The following MED12 variants were observed in gnomAD, a reference collection of about 807,000 sequenced individuals.
MED12 encodes the protein mediator of RNA polymerase II transcription subunit 12.
A neutral mutation model predicts 177.7 loss-of-function variants in MED12; 10 were observed. That is an observed-to-expected ratio of 0.06 (90% confidence interval 0.03 to 0.10). MED12 has a LOEUF of 0.10. MED12 is among the 10% of genes least tolerant of loss of function. The pLI is 1.00. For missense variants in MED12, 867 were observed against 1,780.8 expected (o/e 0.49, Z 9.23); for synonymous variants, 641 against 678.4 (o/e 0.94, Z 0.86).
chrX:71,138,382 C>T (rs56791145), intron 41 of MED12, among the ~76,000 whole-genome samples: 4,204 of 109,981 alleles, frequency 0.038, 195 homozygotes, highest in African/African-American at 0.12. Flanking sequence ...GCTGGAGTGT[C>T]GTGGCATGAT....
chrX:71,128,215 G>C (rs11796518), intron 22 of MED12, 81 bp from the exon 23 acceptor site: 41 of 1,197,415 alleles, frequency 3.4e-5, no homozygotes, highest in Non-Finnish European at 4.4e-5. Context: ...TGATTATTTA[G>C]TGGGGCAGAG....
rs2092307509 is a variant in MED12, at chrX:71,127,941, A to G, written c.3030A>G (p.Pro1010=). The part of the protein sequence containing the change: ...VKNTIYCNVE[P]SESNMRWAPE... Reference sequence around the variant, plus strand: ...ACACCATCTACTGCAACGTGGAGCCATCGGAATCAAATATGCGCTGGGCAC... The same window carrying G: ...ACACCATCTACTGCAACGTGGAGCCGTCGGAATCAAATATGCGCTGGGCAC... Residue 1010 remains proline (P), a synonymous_variant, in exon 22 of 45, where the codon CCA becomes CCG. Transcript: ENST00000374080. 2 of 1,209,942 alleles carry G rather than the reference A, an allele frequency of 1.7e-6. No homozygotes were observed. The highest frequency in any genetic ancestry group is 1.8e-5 in the South Asian group (1 of 56,823).
At chrX:71,137,685 A>G in intron 40 of MED12, 41 bp from the exon 41 acceptor site, 1 of 1,204,065 alleles carries the variant, frequency 8.3e-7, no homozygotes, top group African/African-American at 1.7e-5. Flanking sequence ...GCTGCTCTGC[A>G]TACTCTCGGC....
chrX:71,128,103 G>T lies in MED12; in HGVS notation c.3192G>T (p.Gly1064=). Residue 1064 remains glycine, a synonymous_variant, in exon 22 of 45, where the codon GGG becomes GGT. Transcript: ENST00000374080. Reference sequence around the variant, plus strand: ...ATGCCCTTATGCACGTCTGTGTGGGGCACCATGATCCCGATAGGTATGGGG... The same window carrying T: ...ATGCCCTTATGCACGTCTGTGTGGGTCACCATGATCCCGATAGGTATGGGG... ...VCNALMHVCV[G]HHDPDRVNDI... is the part of the protein sequence containing the mutation. The T allele has an allele frequency of 8.3e-7, 1 of 1,210,152 alleles. No homozygotes were observed. Among genetic ancestry groups the T allele is most frequent in the Non-Finnish European group, 1.1e-6 (1 of 894,419 alleles).
At chrX:71,141,423 C>G in intron 43 of MED12, 53 bp downstream of exon 43, 1 of 1,159,399 alleles carries the variant, frequency 8.6e-7, no homozygotes. Context: ...AGGTTGGGCA[C>G]GCAGCCAGTG....
In MED12 at chrX:71,137,877, A is replaced by C. The variant is rs1369528141; in HGVS notation, c.5978A>C (p.Gln1993Pro). The C allele has an allele frequency of 1.7e-6, 2 of 1,209,726 alleles. No homozygotes were observed. Among genetic ancestry groups the C allele is most frequent in the African/African-American group, 3.5e-5 (2 of 57,080 alleles). Residue 1993 changes from glutamine to proline, a missense_variant, in exon 41 of 45, where the codon CAG becomes CCG. Gln to Pro is a moderately conservative substitution (Grantham distance 76, BLOSUM62 -1). Transcript: ENST00000374080. ...TLVDPTRHLQQRPSGYVHQQA... is the reference protein window; with the variant it reads ...TLVDPTRHLQPRPSGYVHQQA... ...GTAGATCCTACCCGCCACCTGCAACAGCGGCCCAGTGGCTATGTGCACCAG... is the reference window on the plus strand; with the variant it reads ...GTAGATCCTACCCGCCACCTGCAACCGCGGCCCAGTGGCTATGTGCACCAG...
intron 41 of MED12, among the ~76,000 whole-genome samples, chrX:71,138,565 C>G (rs1270556058): frequency 3.7e-5 from 4 of 109,168 alleles, no homozygotes; most frequent in African/African-American, 1.3e-4. Context: ...GCCACCACAC[C>G]TGGCCAAAAA....
In MED12 at chrX:71,121,549, C is replaced by T. The variant is rs374744294; in HGVS notation, c.847-13C>T. On this transcript the variant is annotated splice_polypyrimidine_tract_variant and intron_variant, in intron 6 of 44. Transcript: ENST00000374080. ...GGAGAGAACTAGGGGCTCTGATGGT[C>T]GTGTCTTCACAGTACTCTGGGGAAT... 13 of 1,209,304 alleles carry T rather than the reference C, an allele frequency of 1.1e-5. No individual in the cohort carries two copies. The African/African-American group carries it at 1.9e-4, about 18-fold the overall frequency.
intron 17 of MED12, 34 bp from the exon 18 acceptor site, chrX:71,126,002 T>C (rs759555109): frequency 1.1e-6 from 1 of 921,002 alleles, no homozygotes. Flanking sequence ...TTATCTTCCC[T>C]GTCTTGACTG....
intron 19 of MED12, 25 bp downstream of exon 19, chrX:71,126,509 T>C: frequency 8.3e-7 from 1 of 1,210,119 alleles, no homozygotes; most frequent in Non-Finnish European, 1.1e-6. Flanking sequence ...GAGATGAGGG[T>C]GGAGGCAGGA....
chrX:71,119,663 G>A (rs2147772963), intron 2 of MED12, 23 bp from the exon 3 acceptor site: 2 of 1,207,519 alleles, frequency 1.7e-6, no homozygotes, highest in East Asian at 5.9e-5. Context: ...TTCCCACCCT[G>A]AGGTACACTT....
At chrX:71,122,697 G>A (rs200311099) in intron 9 of MED12, 41 bp from the exon 10 acceptor site, 124 of 1,207,208 alleles carry the variant, frequency 1.0e-4, no homozygotes, top group Non-Finnish European at 1.3e-4. Flanking sequence ...AGAATGCACC[G>A]GGCCTCTGGT....
intron 17 of MED12, 127 bp from the exon 18 acceptor site, chrX:71,125,908 TC>T: frequency 1.8e-6 from 1 of 545,319 alleles, no homozygotes; most frequent in Admixed American, 2.5e-5. Flanking sequence ...CTTCCTTCCT[TC>T]CCTCCCTCCC....
intron 21 of MED12, 136 bp from the exon 22 acceptor site, chrX:71,127,757 C>T (rs1602298962): frequency 3.7e-6 from 2 of 547,094 alleles, no homozygotes; most frequent in Admixed American, 2.7e-5. Context: ...TCTGTTTTGT[C>T]CCATCTCCCT....
At chrX:71,124,445 C>A in intron 13 of MED12, 57 bp downstream of exon 13, 1 of 966,548 alleles carries the variant, frequency 1.0e-6, no homozygotes, top group South Asian at 2.1e-5. Flanking sequence ...ATCTTCATGG[C>A]TCCCAGGGGC....
rs1259026756 is a variant in MED12, at chrX:71,140,699, G to A, written c.6109G>A (p.Gly2037Ser). 4 of 1,209,367 alleles carry A rather than the reference G, an allele frequency of 3.3e-6. No individual in the cohort carries two copies. Among genetic ancestry groups the A allele is most frequent in the Non-Finnish European group, 4.5e-6 (4 of 894,932 alleles). Residue 2037 changes from glycine to serine, a missense_variant, in exon 42 of 45, where the codon GGC becomes AGC. Transcript: ENST00000374080. The part of the protein sequence containing the change: ...ISTMTPMSAQ[G>S]VQAGVRSTAI... ...TACCATGACTCCAATGAGTGCCCAG[G>A]GCGTCCAGGCAGGCGTCCGTTCAAC...
At position 71,140,740 on chromosome X, in the gene MED12, G is replaced by A. The variant is rs2147839089; in HGVS notation, c.6150G>A (p.Glu2050=). Residue 2050 remains glutamate, a synonymous_variant, in exon 42 of 45, where the codon GAG becomes GAA. Transcript: ENST00000374080. ...TCCGTTCAACAGCCATCCTACCTGAGCAGCAGCAGCAGCAGCAACAGCAGC... is the reference window on the plus strand; with the variant it reads ...TCCGTTCAACAGCCATCCTACCTGAACAGCAGCAGCAGCAGCAACAGCAGC... ...AGVRSTAILP[E]QQQQQQQQQQ... is the part of the protein sequence containing the mutation. 1 of 1,206,035 alleles carries A rather than the reference G, an allele frequency of 8.3e-7. No homozygotes were observed. Among genetic ancestry groups the A allele is most frequent in the Non-Finnish European group, 1.1e-6 (1 of 892,181 alleles).
At chrX:71,133,930 T>C (rs370659977) in intron 33 of MED12, among the ~76,000 whole-genome samples, 1 of 110,851 alleles carries the variant, frequency 9.0e-6, no homozygotes, top group Middle Eastern at 4.7e-3. Flanking sequence ...TAGCAAATCA[T>C]AGGCTCAACT....
chrX:71,132,890 A>G lies in MED12; in HGVS notation c.4461A>G (p.Thr1487=), dbSNP rs772877700. 8 of 1,189,720 alleles carry G rather than the reference A, an allele frequency of 6.7e-6. No individual in the cohort carries two copies. In the South Asian group the frequency reaches 1.3e-4, roughly 19 times the overall value. ...AGCCCTTCTTATCGCTGGTGCTAAC[A>G]TGTCTGAAAGGGCAGGATGAACAAC... is the stretch of plus-strand genomic sequence containing the variant. ...SQQPFLSLVL[T]CLKGQDEQRE... The change falls in exon 32 of 45, where the codon ACA becomes ACG. Residue 1487 remains threonine (T), a synonymous_variant. Transcript: ENST00000374080.
Sources: gnomAD v4.1 joint callset for allele counts (sites outside exome capture counted in the v4.1 genomes callset) on GRCh38, gnomAD v4.1.1 for gene constraint, MANE v1.5 for transcripts, NCBI Gene and HGNC (gene_info 2026-07-23, HGNC 2026-07-21) for gene names.